The following VDAC1 variants were observed in gnomAD, a reference collection of about 807,000 sequenced individuals.
The protein encoded by VDAC1 is voltage dependent anion channel 1, also known as non-selective voltage-gated ion channel VDAC1.
Under a neutral mutation model 34.7 loss-of-function variants are expected in VDAC1, and 10 were observed. That is an observed-to-expected ratio of 0.29 (90% CI 0.18 to 0.49). The LOEUF (loss-of-function observed/expected upper bound fraction) is 0.49, where lower values mean the gene tolerates loss of function less well. Among genes scored for constraint, VDAC1 ranks in the 20% least tolerant of loss-of-function variants. VDAC1 has a pLI of 0.99. For synonymous variants in VDAC1, 130 were observed against 136.0 expected (o/e 0.96, Z 0.30); for missense variants, 230 against 347.9 (o/e 0.66, Z 2.69).
chr5:134,071,518 C>T, the VDAC1 span, among the ~76,000 whole-genome samples: 10 of 152,344 alleles, frequency 6.6e-5, no homozygotes, highest in South Asian at 1.9e-3. The surrounding 1 kb of genome is among the most constrained non-coding windows in gnomAD (Gnocchi z 4.1). Flanking sequence ...TCTCAGCCTC[C>T]GGCACTTTTG....
chr5:134,033,991 C>CA, the VDAC1 span, among the ~76,000 whole-genome samples: 257 of 135,800 alleles, frequency 1.9e-3, 1 homozygote, highest in African/African-American at 3.7e-3. Context: ...GACTCCGTCT[C>CA]AAAAAAAAAA....
At chr5:134,097,027 C>G in the VDAC1 span, among the ~76,000 whole-genome samples, 1 of 152,234 alleles carries the variant, frequency 6.6e-6, no homozygotes, top group Non-Finnish European at 1.5e-5. Context: ...AGCGCACATC[C>G]CTACCAGCGT....
chr5:134,102,200 G>A, the VDAC1 span, among the ~76,000 whole-genome samples: 1 of 152,136 alleles, frequency 6.6e-6, no homozygotes, highest in South Asian at 2.1e-4. Flanking sequence ...GCCGCTCTGG[G>A]GGGACTCTGG....
chr5:134,040,259 G>A, the VDAC1 span, among the ~76,000 whole-genome samples: 11 of 151,920 alleles, frequency 7.2e-5, no homozygotes, highest in Non-Finnish European at 1.2e-4. Context: ...GGCGAAACCC[G>A]GTCTCCACTA....
chr5:134,034,534 G>A, the VDAC1 span, among the ~76,000 whole-genome samples: 1 of 152,214 alleles, frequency 6.6e-6, no homozygotes, highest in South Asian at 2.1e-4. Context: ...CGCGCCGGAC[G>A]CTAGGAAGAG....
chr5:134,028,464 C>T, the VDAC1 span, among the ~76,000 whole-genome samples: 1 of 152,140 alleles, frequency 6.6e-6, no homozygotes, highest in Non-Finnish European at 1.5e-5. Context: ...TGAGTTTTTT[C>T]TTCCATGTTG....
chr5:134,033,684 A>T, the VDAC1 span, among the ~76,000 whole-genome samples: 5 of 151,540 alleles, frequency 3.3e-5, no homozygotes, highest in African/African-American at 1.2e-4. Context: ...GAAAAAAAAA[A>T]AAAAGTAAAA....
At chr5:134,057,386 C>T in the VDAC1 span, among the ~76,000 whole-genome samples, 1 of 151,504 alleles carries the variant, frequency 6.6e-6, no homozygotes, top group Non-Finnish European at 1.5e-5. Flanking sequence ...AGGCTGAGCC[C>T]GGAGAATTGC....
At chr5:133,996,492 G>A (rs1367706862) in intron 1 of VDAC1, among the ~76,000 whole-genome samples, 1 of 151,990 alleles carries the variant, frequency 6.6e-6, no homozygotes, top group Non-Finnish European at 1.5e-5. Flanking sequence ...CTGTCTTGGG[G>A]GTACACATCC....
At chr5:134,089,982 A>G in the VDAC1 span, among the ~76,000 whole-genome samples, 1 of 149,148 alleles carries the variant, frequency 6.7e-6, no homozygotes, top group Non-Finnish European at 1.5e-5. Context: ...ACAGAGAGAA[A>G]CTCTGTCTCA....
intron 1 of VDAC1, among the ~76,000 whole-genome samples, chr5:134,003,080 G>T (rs573719944): frequency 7.0e-6 from 1 of 143,264 alleles, no homozygotes; most frequent in South Asian, 2.1e-4. Flanking sequence ...CCATGTACTG[G>T]AATAGTAAAA....
chr5:134,004,357 C>T, intron 1 of VDAC1: 1 of 152,466 alleles, frequency 6.6e-6, no homozygotes, highest in Non-Finnish European at 1.5e-5. Flanking sequence ...GCCGCCCTTG[C>T]ACTTCCGCCC....
chr5:134,007,175 C>T (rs1474018459), upstream of VDAC1, among the ~76,000 whole-genome samples: 1 of 150,512 alleles, frequency 6.6e-6, no homozygotes, highest in Non-Finnish European at 1.5e-5. Flanking sequence ...ACCCAGGAGG[C>T]GGAGGTTGCG....
the VDAC1 span, among the ~76,000 whole-genome samples, chr5:134,058,474 C>T: frequency 0.033 from 5,019 of 152,146 alleles, 97 homozygotes; most frequent in African/African-American, 0.049. Flanking sequence ...CCACCACACC[C>T]GGCTAATTTT....
At chr5:134,078,647 C>CTTTTTTTTT in the VDAC1 span, among the ~76,000 whole-genome samples, 201 of 118,424 alleles carry the variant, frequency 1.7e-3, 4 homozygotes, top group Middle Eastern at 4.7e-3. Flanking sequence ...CCTCAAGCAT[C>CTTTTTTTTT]TTTTTTTTTT....
At chr5:133,998,997 T>C (rs565795556) in intron 1 of VDAC1, among the ~76,000 whole-genome samples, 1 of 152,184 alleles carries the variant, frequency 6.6e-6, no homozygotes, top group African/African-American at 2.4e-5. Flanking sequence ...CTCTCTTCTC[T>C]GCAGAGGCTC....
At chr5:134,102,183 A>C in the VDAC1 span, among the ~76,000 whole-genome samples, 6 of 152,156 alleles carry the variant, frequency 3.9e-5, no homozygotes, top group Non-Finnish European at 5.9e-5. Flanking sequence ...GTCTGTGAGC[A>C]GCCCCCGCCG....
At chr5:134,105,919 C>A in the VDAC1 span, among the ~76,000 whole-genome samples, 4 of 152,270 alleles carry the variant, frequency 2.6e-5, no homozygotes, top group African/African-American at 9.6e-5. Context: ...CCATCGAAGT[C>A]ACTCAGCAAA....
At chr5:134,068,242 ATTG>A in the VDAC1 span, among the ~76,000 whole-genome samples, 1 of 151,866 alleles carries the variant, frequency 6.6e-6, no homozygotes, top group African/African-American at 2.4e-5. Flanking sequence ...AGTTGCTATC[ATTG>A]TTGTTGTTTT....
Sources: allele counts gnomAD v4.1 joint callset (sites outside exome capture counted in the v4.1 genomes callset), GRCh38; gene constraint gnomAD v4.1.1; non-coding constraint Gnocchi (gnomAD v3.1); transcripts MANE v1.5; gene names NCBI Gene and HGNC (gene_info 2026-07-23, HGNC 2026-07-21).